ETV6: variants seen among roughly 807,000 people sequenced by gnomAD.
The protein encoded by ETV6 is ETS variant transcription factor 6.
Under a neutral mutation model 51.1 loss-of-function variants are expected in ETV6, and 16 were observed. The ratio of observed to expected loss-of-function variants is 0.31; its 90% confidence interval spans 0.21 to 0.48. The LOEUF (loss-of-function observed/expected upper bound fraction) is 0.48, where lower values mean the gene tolerates loss of function less well. Ranked by LOEUF, ETV6 falls within the 20% of genes least tolerant of loss-of-function variation. The pLI is 0.99. For missense variants in ETV6, 458 were observed against 594.8 expected, an observed-to-expected ratio of 0.77 and a Z score of 2.39; for synonymous variants, 240 against 224.1, an observed-to-expected ratio of 1.07 and a Z score of -0.64.
At chr12:11,758,505 T>C (rs1215926046) in intron 2 of ETV6, among the ~76,000 whole-genome samples, 1 of 152,194 alleles carries the variant, frequency 6.6e-6, no homozygotes, top group East Asian at 1.9e-4. Context: ...GGAAATAAGC[T>C]TTGCTTTCAA....
chr12:11,651,646 T>C (rs1015596391), intron 1 of ETV6, among the ~76,000 whole-genome samples: 2 of 152,190 alleles, frequency 1.3e-5, no homozygotes, highest in Non-Finnish European at 2.9e-5. Flanking sequence ...CCAGTTTCTT[T>C]TGCGGTATAA....
At chr12:11,732,393 C>T (rs1033850804) in intron 1 of ETV6, among the ~76,000 whole-genome samples, 9 of 152,114 alleles carry the variant, frequency 5.9e-5, no homozygotes, top group Non-Finnish European at 8.8e-5. Context: ...GGATGCTGGT[C>T]TCAATTTCTA....
At chr12:11,768,352 C>T (rs1945193763) in intron 2 of ETV6, among the ~76,000 whole-genome samples, 2 of 152,164 alleles carry the variant, frequency 1.3e-5, no homozygotes, top group South Asian at 4.1e-4. Context: ...TAAATTTCCT[C>T]ATTAATTTTA....
chr12:11,803,265 CA>C (rs1184278310), intron 2 of ETV6, among the ~76,000 whole-genome samples: 1 of 152,098 alleles, frequency 6.6e-6, no homozygotes, highest in Non-Finnish European at 1.5e-5. Flanking sequence ...GTCCACATTG[CA>C]AATTAGGGAA....
At chr12:11,800,268 TTTAA>T (rs1221512523) in intron 2 of ETV6, among the ~76,000 whole-genome samples, 1 of 152,158 alleles carries the variant, frequency 6.6e-6, no homozygotes. Flanking sequence ...CATTTTAAAT[TTTAA>T]TTAATTTTTC....
At position 11,827,012 on chromosome 12, in the gene ETV6, T is replaced by C. The variant is rs372657267; in HGVS notation, c.164-12128T>C. 4.1e-4 allele frequency among the ~76,000 whole-genome samples: 63 copies of C among 151,908 alleles called. 1 individual carries two copies. The East Asian group carries it at 8.7e-3, about 21-fold the overall frequency. ...TCTATAAAAGCCATTTCCGTATGAA[T>C]GTCCTCAGAAAGGAGGAATAAGGGG... On this transcript the variant is annotated intron_variant, in intron 2 of 7. Coordinates refer to ENST00000396373, the MANE Select transcript of ETV6 (RefSeq NM_001987.5).
At chr12:11,850,855 T>G (rs541267339) in intron 3 of ETV6, among the ~76,000 whole-genome samples, 7 of 152,322 alleles carry the variant, frequency 4.6e-5, no homozygotes, top group African/African-American at 1.7e-4. Flanking sequence ...CTGCCTGCTC[T>G]CCAGCCCTTG....
chr12:11,669,063 C>G (rs1864252569), intron 1 of ETV6, among the ~76,000 whole-genome samples: 1 of 152,226 alleles, frequency 6.6e-6, no homozygotes, highest in East Asian at 1.9e-4. Flanking sequence ...CATGCACATG[C>G]ACACATATCT....
intron 2 of ETV6, among the ~76,000 whole-genome samples, chr12:11,801,302 C>T (rs1389032408): frequency 6.6e-6 from 1 of 152,218 alleles, no homozygotes; most frequent in Non-Finnish European, 1.5e-5. Context: ...CAAGAGGTAA[C>T]TCTCTGGCTA....
chr12:11,838,405 C>A (rs900878067), intron 2 of ETV6, among the ~76,000 whole-genome samples: 1 of 152,214 alleles, frequency 6.6e-6, no homozygotes, highest in Non-Finnish European at 1.5e-5. Flanking sequence ...GCCAACCTCT[C>A]AGCCCCTGCT....
At chr12:11,755,368 A>G (rs180938052) in intron 2 of ETV6, among the ~76,000 whole-genome samples, 2 of 152,352 alleles carry the variant, frequency 1.3e-5, no homozygotes, top group East Asian at 1.9e-4. Flanking sequence ...TGCCTACTCT[A>G]TGGCAGTCTA....
intron 2 of ETV6, among the ~76,000 whole-genome samples, chr12:11,811,995 C>T (rs1252144875): frequency 1.3e-5 from 2 of 152,234 alleles, no homozygotes; most frequent in Non-Finnish European, 1.5e-5. Context: ...AAAAGCATCG[C>T]TTTGCAATCA....
intron 1 of ETV6, among the ~76,000 whole-genome samples, chr12:11,714,351 C>T (rs1166542948): frequency 9.2e-5 from 14 of 152,184 alleles, no homozygotes; most frequent in Admixed American, 9.2e-4. Flanking sequence ...TGTCCAACAT[C>T]TCATGGGCTT....
intron 1 of ETV6, among the ~76,000 whole-genome samples, chr12:11,720,001 T>G (rs1322282108): frequency 1.3e-5 from 2 of 152,114 alleles, no homozygotes; most frequent in Non-Finnish European, 2.9e-5. Flanking sequence ...GGCCTCAGGC[T>G]CCCACCATGC....
chr12:11,711,498 G>C (rs759221118), intron 1 of ETV6, among the ~76,000 whole-genome samples: 1 of 152,102 alleles, frequency 6.6e-6, no homozygotes, highest in African/African-American at 2.4e-5. Flanking sequence ...TTCATACATC[G>C]TGGTTCCTTC....
Position 11,868,655 on chromosome 12 carries a change from T to C in ETV6, c.464-769T>C, listed in dbSNP as rs1454682591. On this transcript the variant is annotated intron_variant, in intron 4 of 7. Transcript: ENST00000396373. The stretch of plus-strand genomic sequence containing the variant: ...AATCCAGCATCTAAGATATAGTTAT[T>C]ACTAATAATTATTACTAATATTATT... Among the ~76,000 whole-genome samples the C allele has an allele frequency of 2.0e-5, 3 of 151,978 alleles. No individual in the cohort carries two copies. In the East Asian group the frequency reaches 5.8e-4, roughly 29 times the overall value.
At chr12:11,872,150 A>G (rs753746204) in intron 5 of ETV6, among the ~76,000 whole-genome samples, 1 of 152,342 alleles carries the variant, frequency 6.6e-6, no homozygotes, top group East Asian at 1.9e-4. Flanking sequence ...TGCAGTATTC[A>G]TCTTATGTGG....
intron 4 of ETV6, among the ~76,000 whole-genome samples, chr12:11,864,357 A>G (rs1271857694): frequency 6.6e-6 from 1 of 152,258 alleles, no homozygotes; most frequent in African/African-American, 2.4e-5. Context: ...AAGATGGGAA[A>G]TGGATTCAGG....
At chr12:11,691,730 T>C (rs1351071827) in intron 1 of ETV6, among the ~76,000 whole-genome samples, 1 of 152,246 alleles carries the variant, frequency 6.6e-6, no homozygotes, top group Non-Finnish European at 1.5e-5. Context: ...ATACACAGTT[T>C]ATTCATTCAC....
Sources: allele counts gnomAD v4.1 joint callset (sites outside exome capture counted in the v4.1 genomes callset), GRCh38; gene constraint gnomAD v4.1.1; transcripts MANE v1.5; gene names NCBI Gene and HGNC (gene_info 2026-07-23, HGNC 2026-07-21).